NUP155: variants seen among roughly 807,000 people sequenced by gnomAD.
NUP155 encodes nuclear pore complex protein Nup155.
In NUP155, 71 loss-of-function variants were observed where a neutral mutation model predicts 180.4. That is an observed-to-expected ratio of 0.39 (90% CI 0.33 to 0.48). The LOEUF is 0.48. Among genes scored for constraint, NUP155 ranks in the 20% least tolerant of loss-of-function variants. The pLI is 0.91. For missense variants in NUP155, 1,553 were observed against 1,648.9 expected (o/e 0.94, Z 1.01); for synonymous variants, 582 against 559.5 (o/e 1.04, Z -0.57).
chr5:37,364,521 C>T (rs1561817666), intron 1 of NUP155, 137 bp from the exon 2 acceptor site: 1 of 743,750 alleles, frequency 1.3e-6, no homozygotes. Context: ...TGACCCAACA[C>T]AAAGTAGTCC....
At chr5:37,343,376 A>G (rs1054267824) in intron 9 of NUP155, among the ~76,000 whole-genome samples, 5 of 152,186 alleles carry the variant, frequency 3.3e-5, no homozygotes, top group African/African-American at 1.2e-4. Context: ...TCCCAGCCTT[A>G]TATTTTCTAA....
rs562112820 is a variant in NUP155, at chr5:37,291,305, G to A, written c.*595C>T. 1.6e-4 allele frequency: 24 copies of A among 152,828 alleles called. No homozygotes were observed. The highest frequency in any genetic ancestry group is 2.8e-4 in the Non-Finnish European group (19 of 68,612). The allele number at this position is 152,828 out of a possible 1,614,324, so 9.5% of individuals were successfully genotyped here. ...TGCCTGGGCTGGAGTGCAATGGTGC[G>A]ATTTTGACTCACTGAAACCTCTGCC... On this transcript the variant is annotated 3_prime_UTR_variant, in exon 35 of 35. Coordinates refer to ENST00000231498, the MANE Select transcript of NUP155 (RefSeq NM_153485.3).
chr5:37,289,312 A>C lies in NUP155; in HGVS notation c.*2588T>G, dbSNP rs547718536. Reference sequence around the variant, plus strand: ...CAAGCCCTTGTCTTCAAAAAACAAAAAAATTCAAAAAAGTAATGCGTTGAA... The same window carrying C: ...CAAGCCCTTGTCTTCAAAAAACAAACAAATTCAAAAAAGTAATGCGTTGAA... On this transcript the variant is annotated 3_prime_UTR_variant, in exon 35 of 35. Coordinates refer to ENST00000231498, the MANE Select transcript of NUP155 (RefSeq NM_153485.3). The C allele has an allele frequency of 6.6e-6, 1 of 152,526 alleles. No homozygotes were observed. Among genetic ancestry groups the C allele is most frequent in the South Asian group, 2.1e-4 (1 of 4,840 alleles). 9.4% of individuals were successfully genotyped at this position (152,526 alleles called of 1,614,324 possible).
intron 5 of NUP155, 107 bp from the exon 6 acceptor site, chr5:37,351,463 T>C (rs1019309795): frequency 1.2e-6 from 1 of 828,690 alleles, no homozygotes; most frequent in Non-Finnish European, 1.9e-6. Flanking sequence ...TTTTTTTTTT[T>C]TCTTGAGACA....
chr5:37,333,328 C>T (rs1745101474), intron 13 of NUP155, 135 bp downstream of exon 13: 3 of 797,646 alleles, frequency 3.8e-6, no homozygotes, highest in East Asian at 2.7e-5. Context: ...GCACTCCAGC[C>T]TGGGTGATGA....
chr5:37,370,523 T>C (rs570730341), intron 1 of NUP155: 6 of 630,622 alleles, frequency 9.5e-6, no homozygotes, highest in East Asian at 3.8e-5. Context: ...GCTTCTCATA[T>C]GGCCTTAGCC....
In NUP155 at chr5:37,289,555, C is replaced by A. The variant is rs1470136395; in HGVS notation, c.*2345G>T. 2.0e-5 allele frequency: 3 copies of A among 152,130 alleles called. No homozygotes were observed. Among genetic ancestry groups the A allele is most frequent in the Admixed American group, 2.0e-4 (3 of 15,264 alleles). The allele number at this position is 152,130 out of a possible 1,614,324, so 9.4% of individuals were successfully genotyped here. A position where few individuals can be genotyped will look rare whatever the true frequency, so the allele number is the denominator to read the frequency against. On this transcript the variant is annotated 3_prime_UTR_variant, in exon 35 of 35. Transcript: ENST00000231498. ...TCTTCTCTCTTAGGAATCTTACCCC[C>A]CAAAAGGTATTGCAAGCATCTGTTG...
intron 8 of NUP155, 115 bp from the exon 9 acceptor site, chr5:37,348,711 T>C (rs945488625): frequency 5.5e-6 from 4 of 729,262 alleles, no homozygotes; most frequent in Non-Finnish European, 9.8e-6. Flanking sequence ...CATGAAAACA[T>C]TCAGATTCGA....
rs967372229 is a variant in NUP155 at position 37,290,625 on chromosome 5, A to G, written c.*1275T>C. 1 of 152,192 alleles carries G rather than the reference A, an allele frequency of 6.6e-6. No individual in the cohort carries two copies. The highest frequency in any genetic ancestry group is 1.5e-5 in the Non-Finnish European group (1 of 68,038). The allele number at this position is 152,192 out of a possible 1,614,324, so 9.4% of individuals were successfully genotyped here. ...AATAATTAAAAAGTACATTACTAACAGTTTTGCTTTATATATTGTGTGCCT... is the reference window on the plus strand; with the variant it reads ...AATAATTAAAAAGTACATTACTAACGGTTTTGCTTTATATATTGTGTGCCT... On this transcript the variant is annotated 3_prime_UTR_variant, in exon 35 of 35. Coordinates refer to ENST00000231498, the MANE Select transcript of NUP155 (RefSeq NM_153485.3).
chr5:37,352,240 C>T (rs1206507291), intron 5 of NUP155, among the ~76,000 whole-genome samples: 1 of 152,118 alleles, frequency 6.6e-6, no homozygotes, highest in African/African-American at 2.4e-5. Context: ...TGCCTGTAAT[C>T]CCAGCTACTT....
intron 4 of NUP155, among the ~76,000 whole-genome samples, chr5:37,357,107 A>G (rs1746877706): frequency 6.6e-6 from 1 of 150,926 alleles, no homozygotes; most frequent in Non-Finnish European, 1.5e-5. Flanking sequence ...ACTCTGTCTC[A>G]AAAAAGAAAA....
rs1491216296 is a variant in NUP155 at position 37,365,711 on chromosome 5, G to GGAAAAAAAAA, written c.158-1328_158-1327insTTTTTTTTTC. ...TGACAGAGCAAGACTCTGTCTCGGGGAGAAAAAAAAAAAAAAAAAAAAAAA... is the reference window on the plus strand; with the variant it reads ...TGACAGAGCAAGACTCTGTCTCGGGGGAAAAAAAAAAGAAAAAAAAAAAAAAAAAAAAAAA... On this transcript the variant is annotated intron_variant, in intron 1 of 34. Coordinates refer to ENST00000231498, the MANE Select transcript of NUP155 (RefSeq NM_153485.3). Among the ~76,000 whole-genome samples the GGAAAAAAAAA allele has an allele frequency of 4.4e-4, 15 of 34,016 alleles. 7 individuals carry two copies. Among genetic ancestry groups the GGAAAAAAAAA allele is most frequent in the East Asian group, 1.8e-3 (2 of 1,098 alleles). 22.3% of individuals were successfully genotyped at this position (34,016 alleles called of 152,430 possible). A position where few individuals can be genotyped will look rare whatever the true frequency, so the allele number is the denominator to read the frequency against.
At chr5:37,325,808 ATT>A (rs1393031176) in intron 19 of NUP155, 91 bp downstream of exon 19, 1 of 756,200 alleles carries the variant, frequency 1.3e-6, no homozygotes, top group African/African-American at 1.8e-5. Context: ...TTGCCATCTT[ATT>A]TGTGTAATAT....
At chr5:37,361,803 G>A (rs1747241690) in intron 3 of NUP155, among the ~76,000 whole-genome samples, 1 of 152,134 alleles carries the variant, frequency 6.6e-6, no homozygotes, top group African/African-American at 2.4e-5. Flanking sequence ...AACACACACT[G>A]CTATGGATCA....
chr5:37,313,829 C>G (rs1384127272), intron 22 of NUP155, among the ~76,000 whole-genome samples: 1 of 151,990 alleles, frequency 6.6e-6, no homozygotes, highest in Non-Finnish European at 1.5e-5. Context: ...GGTTGTTGGG[C>G]CCTTTGAAAT....
intron 23 of NUP155, 96 bp from the exon 24 acceptor site, chr5:37,309,363 T>C (rs1743382367): frequency 4.0e-6 from 4 of 998,258 alleles, no homozygotes; most frequent in Non-Finnish European, 6.0e-6. Flanking sequence ...AATTTATATA[T>C]GGTTATTACC....
rs774582357 is a variant in NUP155, at chr5:37,303,244, GAAT to G, written c.3317+13_3317+15del. ...AGTTTTGAATCATTCTTCACAATAA[GAAT>G]ATTATGCCATACCTATGCATGTCAG... On this transcript the variant is annotated intron_variant, in intron 28 of 34. Coordinates refer to ENST00000231498, the MANE Select transcript of NUP155 (RefSeq NM_153485.3). The G allele has an allele frequency of 6.2e-7, 1 of 1,613,180 alleles. No homozygotes were observed. Among genetic ancestry groups the G allele is most frequent in the Non-Finnish European group, 8.5e-7 (1 of 1,179,336 alleles).
At chr5:37,349,815 T>C (rs1412284556) in intron 7 of NUP155, among the ~76,000 whole-genome samples, 3 of 152,300 alleles carry the variant, frequency 2.0e-5, no homozygotes, top group Middle Eastern at 3.4e-3. Context: ...ATATATTCTT[T>C]TTATACTGGA....
At chr5:37,294,303 TTTATG>T in intron 33 of NUP155, 21 bp downstream of exon 33, 1 of 1,428,780 alleles carries the variant, frequency 7.0e-7, no homozygotes, top group Non-Finnish European at 9.6e-7. Flanking sequence ...AGAAAATAAT[TTTATG>T]TTATTTAATA....
Sources: allele counts gnomAD v4.1 joint callset (sites outside exome capture counted in the v4.1 genomes callset), GRCh38; gene constraint gnomAD v4.1.1; transcripts MANE v1.5; gene names NCBI Gene and HGNC (gene_info 2026-07-23, HGNC 2026-07-21).